SCN11A: variants seen among roughly 807,000 people sequenced by gnomAD.
SCN11A encodes sodium channel protein type 11 subunit alpha.
SCN11A carries 122 observed loss-of-function variants against 162.2 expected under a neutral mutation model. The observed-to-expected ratio is 0.75, with a 90% CI of 0.65 to 0.87. The LOEUF (loss-of-function observed/expected upper bound fraction) is 0.87. Among genes scored for constraint, SCN11A ranks in the 40% least tolerant of loss-of-function variants. SCN11A has a pLI of 0.00. For synonymous variants in SCN11A, 758 were observed against 751.5 expected (o/e 1.01, Z -0.14); for missense variants, 2,015 against 2,181.6 (o/e 0.92, Z 1.52).
chr3:38,927,215 A>G (rs757408301), intron 7 of SCN11A, among the ~76,000 whole-genome samples: 17 of 152,196 alleles, frequency 1.1e-4, no homozygotes, highest in Non-Finnish European at 2.2e-4. Context: ...AGACCCAAGC[A>G]CTGGAGGTTG....
At chr3:39,017,879 G>A (rs1053515570) in intron 2 of SCN11A, among the ~76,000 whole-genome samples, 8 of 152,104 alleles carry the variant, frequency 5.3e-5, no homozygotes, top group African/African-American at 1.9e-4. Flanking sequence ...TCCTTTGCAT[G>A]CCTGGCAATT....
intron 2 of SCN11A, among the ~76,000 whole-genome samples, chr3:38,963,451 G>GATATATATATATATATATGATGGAGAT (rs58073602): frequency 2.3e-5 from 2 of 88,634 alleles, no homozygotes; most frequent in Admixed American, 1.1e-4. Context: ...ATATGATGGA[G>GATATATATATATATATATGATGGAGAT]ATATATATAT....
At chr3:38,851,330 G>T (rs1024423115) in intron 28 of SCN11A, among the ~76,000 whole-genome samples, 1 of 152,046 alleles carries the variant, frequency 6.6e-6, no homozygotes, top group Non-Finnish European at 1.5e-5. Flanking sequence ...TAATAGATGA[G>T]ATTATAATCC....
chr3:38,996,222 T>C (rs2030627799), intron 2 of SCN11A, among the ~76,000 whole-genome samples: 1 of 152,170 alleles, frequency 6.6e-6, no homozygotes, highest in Admixed American at 6.5e-5. Flanking sequence ...TAGACACATA[T>C]AAATGTACAG....
In SCN11A at chr3:38,846,028, T is replaced by C. The variant is rs1354069482; in HGVS notation, c.*666A>G. 1 of 152,286 alleles carries C rather than the reference T, an allele frequency of 6.6e-6. No individual in the cohort carries two copies. Among genetic ancestry groups the C allele is most frequent in the East Asian group, 1.9e-4 (1 of 5,206 alleles). The allele number at this position is 152,286 out of a possible 1,614,324, so 9.4% of individuals were successfully genotyped here. ...GAAAATATCAAACAAAAATGATGTA[T>C]CTAGAAACATAGAAAATACAACTTA... On this transcript the variant is annotated 3_prime_UTR_variant, in exon 30 of 30. Coordinates refer to ENST00000302328, the MANE Select transcript of SCN11A (RefSeq NM_001349253.2).
chr3:38,914,706 A>C (rs955845372), intron 11 of SCN11A, among the ~76,000 whole-genome samples: 2 of 152,096 alleles, frequency 1.3e-5, no homozygotes, highest in Non-Finnish European at 2.9e-5. Flanking sequence ...ATGGATGTTG[A>C]GTTTATCAAA....
intron 1 of SCN11A, among the ~76,000 whole-genome samples, chr3:39,040,314 C>G (rs957672499): frequency 6.6e-6 from 1 of 152,146 alleles, no homozygotes; most frequent in Admixed American, 6.5e-5. Context: ...ACTACTGCAC[C>G]CACTCAGAAC....
At chr3:38,985,634 G>C (rs538299491) in intron 2 of SCN11A, among the ~76,000 whole-genome samples, 1 of 151,010 alleles carries the variant, frequency 6.6e-6, no homozygotes, top group African/African-American at 2.5e-5. Context: ...ATTGTGAGGG[G>C]AAGAGTATAA....
At position 38,899,735 on chromosome 3, in the gene SCN11A, G is replaced by A. The variant is rs560185782; in HGVS notation, c.2022+159C>T. ...GCGAAGTCCCCCCAGGGACTTGCAAGACTATTAAAGACCTGTGCAGGAAGA... is the reference window on the plus strand; with the variant it reads ...GCGAAGTCCCCCCAGGGACTTGCAAAACTATTAAAGACCTGTGCAGGAAGA... On this transcript the variant is annotated intron_variant, in intron 17 of 29. Transcript: ENST00000302328. 5.9e-5 allele frequency among the ~76,000 whole-genome samples: 9 copies of A among 152,318 alleles called. No individual in the cohort carries two copies. In the South Asian group the frequency reaches 1.9e-3, roughly 32 times the overall value.
At chr3:38,884,031 A>G (rs1295338056) in intron 21 of SCN11A, among the ~76,000 whole-genome samples, 1 of 152,152 alleles carries the variant, frequency 6.6e-6, no homozygotes, top group Non-Finnish European at 1.5e-5. Context: ...GGCCTTCAAT[A>G]TAGACCACAT....
chr3:38,895,656 G>T (rs563768442), intron 18 of SCN11A, among the ~76,000 whole-genome samples: 1 of 152,308 alleles, frequency 6.6e-6, no homozygotes, highest in Admixed American at 6.5e-5. Flanking sequence ...GGAGAGAAGT[G>T]CCTGGTGGGT....
chr3:38,851,872 A>C (rs1176628091), intron 28 of SCN11A, among the ~76,000 whole-genome samples: 1 of 152,214 alleles, frequency 6.6e-6, no homozygotes, highest in Non-Finnish European at 1.5e-5. Flanking sequence ...AGGTGGAAGC[A>C]AGAACCGTCA....
chr3:38,916,764 C>T (rs772892939), intron 11 of SCN11A, among the ~76,000 whole-genome samples: 3 of 152,110 alleles, frequency 2.0e-5, no homozygotes, highest in Non-Finnish European at 4.4e-5. Flanking sequence ...TCTACTGGAA[C>T]CTCCTACTTA....
rs114326176 is a variant in SCN11A, at chr3:39,041,112, T to C, written c.-403-8609A>G. Among the ~76,000 whole-genome samples, 582 of 152,044 alleles carry C rather than the reference T, an allele frequency of 3.8e-3. 5 individuals are homozygous for C. The highest frequency in any genetic ancestry group is 0.013 in the African/African-American group (555 of 41,478). Reference sequence around the variant, plus strand: ...AGAAAAACAAAAGGAAAATAATTTCTGAACTTGGAGACAGGTCTTTTGAAA... The same window carrying C: ...AGAAAAACAAAAGGAAAATAATTTCCGAACTTGGAGACAGGTCTTTTGAAA... On this transcript the variant is annotated intron_variant, in intron 1 of 29. Transcript: ENST00000302328.
At position 38,863,346 on chromosome 3, in the gene SCN11A, T is replaced by A. The variant is rs77497897; in HGVS notation, c.3952-47A>T. 1.3e-3 allele frequency: 1,249 copies of A among 957,662 alleles called. 5 individuals are homozygous for A. The African/African-American group carries it at 0.015, about 11-fold the overall frequency. 59.3% of individuals were successfully genotyped at this position (957,662 alleles called of 1,614,324 possible). Reference sequence around the variant, plus strand: ...TAATTACCTTTAACAGTTTTTTTTTTAATCTAGTTCTGAATTTTTTGACAC... The same window carrying A: ...TAATTACCTTTAACAGTTTTTTTTTAAATCTAGTTCTGAATTTTTTGACAC... On this transcript the variant is annotated intron_variant, in intron 27 of 29. Transcript: ENST00000302328.
At chr3:38,946,230 C>T (rs1475683606) in intron 6 of SCN11A, among the ~76,000 whole-genome samples, 1 of 152,106 alleles carries the variant, frequency 6.6e-6, no homozygotes, top group Non-Finnish European at 1.5e-5. Context: ...TGAGACAGAG[C>T]TTACATGCCC....
intron 1 of SCN11A, among the ~76,000 whole-genome samples, chr3:39,035,854 T>A (rs1432276854): frequency 6.6e-6 from 1 of 152,196 alleles, no homozygotes; most frequent in Non-Finnish European, 1.5e-5. Flanking sequence ...TTAGCCAGGA[T>A]GGTCTCAATC....
rs569240832 is a variant in SCN11A, at chr3:38,993,381, T to C, written c.-279-32958A>G. 1.6e-4 allele frequency among the ~76,000 whole-genome samples: 25 copies of C among 152,358 alleles called. 1 individual carries two copies. Among genetic ancestry groups the C allele is most frequent in the Admixed American group, 1.6e-3 (25 of 15,306 alleles). On this transcript the variant is annotated intron_variant, in intron 2 of 29. Coordinates refer to ENST00000302328, the MANE Select transcript of SCN11A (RefSeq NM_001349253.2). ...AGAGGCACTGAGCCAAAGCTGGGTC[T>C]CACTCTCCTCGGCCAGGTTATGTCG...
intron 7 of SCN11A, among the ~76,000 whole-genome samples, chr3:38,929,434 C>T (rs755503082): frequency 6.6e-6 from 1 of 152,144 alleles, no homozygotes; most frequent in Non-Finnish European, 1.5e-5. Context: ...TGGATATAGA[C>T]TTTCAGTTTT....
Sources: allele counts gnomAD v4.1 joint callset (sites outside exome capture counted in the v4.1 genomes callset), GRCh38; gene constraint gnomAD v4.1.1; transcripts MANE v1.5; gene names NCBI Gene and HGNC (gene_info 2026-07-23, HGNC 2026-07-21).